Variants in PER3 observed in about 807,000 individuals in gnomAD.
The protein encoded by PER3 is period circadian regulator 3, also known as period circadian protein homolog 3.
PER3 carries 107 observed loss-of-function variants against 127.2 expected under a neutral mutation model. The observed-to-expected ratio is 0.84, with a 90% CI of 0.72 to 0.99. PER3 has a LOEUF of 0.99. Among genes scored for constraint, PER3 ranks in the 50% least tolerant of loss-of-function variants. PER3 has a pLI of 0.00. For synonymous variants in PER3, 618 were observed against 585.8 expected (o/e 1.05, Z -0.79); for missense variants, 1,560 against 1,525.8 (o/e 1.02, Z -0.37).
At chr1:7,807,544 T>G (rs1280553533) in intron 10 of PER3, among the ~76,000 whole-genome samples, 1 of 152,198 alleles carries the variant, frequency 6.6e-6, no homozygotes, top group African/African-American at 2.4e-5. Flanking sequence ...CAGCCCAGGC[T>G]TGGGGGTCAG....
chr1:7,803,547 C>A, intron 9 of PER3, 145 bp from the exon 10 acceptor site: 1 of 600,714 alleles, frequency 1.7e-6, no homozygotes. Flanking sequence ...AATATCATGC[C>A]ACTGCACTCC....
At chr1:7,805,159 C>T (rs1484979681) in intron 10 of PER3, among the ~76,000 whole-genome samples, 2 of 152,212 alleles carry the variant, frequency 1.3e-5, no homozygotes, top group South Asian at 2.1e-4. Context: ...TGAGCCATCA[C>T]GCCCAACCCT....
chr1:7,786,575 G>T (rs915771640), intron 3 of PER3, 146 bp from the exon 4 acceptor site: 1 of 546,090 alleles, frequency 1.8e-6, no homozygotes, highest in South Asian at 2.7e-5. Flanking sequence ...AGTATTTTAG[G>T]TAAAAGCAGA....
intron 19 of PER3, among the ~76,000 whole-genome samples, chr1:7,834,137 C>T (rs1047306200): frequency 6.6e-6 from 1 of 152,202 alleles, no homozygotes; most frequent in African/African-American, 2.4e-5. Context: ...CCAGACTGAA[C>T]TCAAACTCCT....
At chr1:7,797,459 ACC>A (rs1266567361) in intron 6 of PER3, among the ~76,000 whole-genome samples, 2 of 151,880 alleles carry the variant, frequency 1.3e-5, no homozygotes, top group East Asian at 3.9e-4. Context: ...ACATGGTGAA[ACC>A]CCATCTCTAC....
chr1:7,805,339 C>T (rs1181386264), intron 10 of PER3, among the ~76,000 whole-genome samples: 2 of 152,052 alleles, frequency 1.3e-5, no homozygotes, highest in South Asian at 4.1e-4. Context: ...TGAACATGAA[C>T]CTGAGAACAG....
At chr1:7,786,543 A>G (rs910251489) in intron 3 of PER3, among the ~76,000 whole-genome samples, 178 bp from the exon 4 acceptor site, 8 of 152,254 alleles carry the variant, frequency 5.3e-5, no homozygotes, top group African/African-American at 1.7e-4. Flanking sequence ...ATAAAATCAA[A>G]TCTTAAGTTT....
At chr1:7,798,282 C>T in intron 6 of PER3, among the ~76,000 whole-genome samples, 1 of 152,186 alleles carries the variant, frequency 6.6e-6, no homozygotes, top group East Asian at 1.9e-4. Context: ...GTCATGGAAC[C>T]ACTAATTCTG....
intron 6 of PER3, among the ~76,000 whole-genome samples, chr1:7,796,357 C>A (rs2097145613): frequency 7.3e-6 from 1 of 136,246 alleles, no homozygotes; most frequent in South Asian, 2.4e-4. Flanking sequence ...CTCACTGTGT[C>A]CCCCAAGCTG....
Position 7,785,546 on chromosome 1 carries a change from T to A in PER3, c.234T>A (p.Asp78Glu), listed in dbSNP as rs1172621979. The change falls in exon 3 of 22, where the codon GAT becomes GAA. Residue 78 changes from aspartate to glutamate, a missense_variant. Physicochemically the swap from Asp to Glu is conservative, Grantham distance 45. This residue lies in a region of PER3 where 1,332 missense variants were observed against 1,223.6 expected (regional missense o/e 1.09). Coordinates refer to ENST00000377532, the MANE Select transcript of PER3 (RefSeq NM_001377275.1). ...SERRNKPSTLDALNYALRCVH... is the reference protein window; with the variant it reads ...SERRNKPSTLEALNYALRCVH... ...GACGCAATAAACCAAGCACTCTAGA[T>A]GCCCTCAACTATGCTCTCCGCTGTG... The A allele has an allele frequency of 2.5e-6, 4 of 1,613,690 alleles. No homozygotes were observed. The highest frequency in any genetic ancestry group is 1.7e-4 in the Middle Eastern group (1 of 6,060).
chr1:7,821,831 C>G (rs150331218), intron 16 of PER3, among the ~76,000 whole-genome samples: 71 of 152,306 alleles, frequency 4.7e-4, no homozygotes, highest in African/African-American at 1.7e-3. Flanking sequence ...AAACATATCT[C>G]TATGTCTTTT....
At chr1:7,842,035 A>T (rs2097392409) in intron 21 of PER3, among the ~76,000 whole-genome samples, 1 of 152,186 alleles carries the variant, frequency 6.6e-6, no homozygotes, top group South Asian at 2.1e-4. Flanking sequence ...ACTGTCCTGA[A>T]TACTGTAGGC....
At chr1:7,793,707 G>C (rs1312042222) in intron 5 of PER3, among the ~76,000 whole-genome samples, 1 of 152,156 alleles carries the variant, frequency 6.6e-6, no homozygotes, top group African/African-American at 2.4e-5. Context: ...AAAGTAGTAA[G>C]GGGAAGAGAT....
At chr1:7,821,733 C>T (rs1289886537) in intron 16 of PER3, among the ~76,000 whole-genome samples, 1 of 152,130 alleles carries the variant, frequency 6.6e-6, no homozygotes, top group African/African-American at 2.4e-5. Context: ...CTATTAGTTT[C>T]TTCTGATCTT....
At chr1:7,842,081 A>G (rs1416227303) in intron 21 of PER3, among the ~76,000 whole-genome samples, 1 of 152,196 alleles carries the variant, frequency 6.6e-6, no homozygotes, top group Non-Finnish European at 1.5e-5. Context: ...ATCTAAACAT[A>G]GAAAAGGTAC....
rs764619919 is a variant in PER3 at position 7,827,472 on chromosome 1, C to T, written c.2543C>T (p.Pro848Leu). ...GGCTTGCAGCCTTACCCAGCTTTCC[C>T]TTTTCCTTACTTGGATACTTTTATG... ...SEGLQPYPAF[P>L]FPYLDTFMTV... Residue 848 changes from proline (P) to leucine (L), a missense_variant, in exon 18 of 22, where the codon CCT becomes CTT. Physicochemically the swap from Pro to Leu is moderately conservative, Grantham distance 98 (BLOSUM62 -3). Around this residue, in one of 3 missense-constraint regions of PER3, gnomAD observed 1,332 missense variants for 1,223.6 expected, o/e 1.09. Transcript: ENST00000377532. 2 of 1,614,248 alleles carry T rather than the reference C, an allele frequency of 1.2e-6. No individual in the cohort carries two copies. Among genetic ancestry groups the T allele is most frequent in the East Asian group, 4.5e-5 (2 of 44,888 alleles).
Position 7,827,817 on chromosome 1 carries a change from T to C in PER3, c.2886+2T>C, listed in dbSNP as rs1289383714. On this transcript the variant is annotated splice_donor_variant, in intron 18 of 21. Transcript: ENST00000377532. LOFTEE classifies it high-confidence loss of function. The stretch of plus-strand genomic sequence containing the variant: ...AACACGTGCCCACAAACTGAGTATG[T>C]AAGTGATGCTCATTTTCAACACTCA... 8 of 1,590,540 alleles carry C rather than the reference T, an allele frequency of 5.0e-6. No individual in the cohort carries two copies. Among genetic ancestry groups the C allele is most frequent in the Non-Finnish European group, 6.9e-6 (8 of 1,162,928 alleles).
Position 7,791,376 on chromosome 1 carries a change from C to A in PER3, c.593-2581C>A, listed in dbSNP as rs568186922. On this transcript the variant is annotated intron_variant, in intron 5 of 21. Transcript: ENST00000377532. ...CTATGGCCTGAGCTGTACCTTGGTC[C>A]CTTTTAGCCATGGCTGGAGGTGAAG... 4.3e-4 allele frequency among the ~76,000 whole-genome samples: 65 copies of A among 152,326 alleles called. 2 individuals are homozygous for A. The South Asian group carries it at 0.013, about 31-fold the overall frequency.
intron 5 of PER3, among the ~76,000 whole-genome samples, chr1:7,791,877 C>T (rs1427428318): frequency 2.6e-5 from 4 of 152,190 alleles, no homozygotes; most frequent in Non-Finnish European, 5.9e-5. Context: ...CCTCAGCCTG[C>T]ACTTCATTGT....
Sources: gnomAD v4.1 joint callset for allele counts (sites outside exome capture counted in the v4.1 genomes callset) on GRCh38, gnomAD v4.1.1 for gene constraint, gnomAD v4.1.1 regional missense constraint, MANE v1.5 for transcripts, NCBI Gene and HGNC (gene_info 2026-07-23, HGNC 2026-07-21) for gene names.